The following TLK1 variants were observed in gnomAD, a reference collection of about 807,000 sequenced individuals.
The protein encoded by TLK1 is tousled like kinase 1.
In TLK1, 24 loss-of-function variants were observed where a neutral mutation model predicts 105.3. The observed-to-expected ratio is 0.23, with a 90% CI of 0.17 to 0.32. TLK1 has a LOEUF of 0.32. TLK1 is among the 10% of genes least tolerant of loss of function. The probability of loss-of-function intolerance (pLI) is 1.00; values close to 1 mark genes in which losing one functional copy is unlikely to be tolerated. For missense variants in TLK1, 558 were observed against 910.5 expected (o/e 0.61, Z 4.98); for synonymous variants, 321 against 310.4 (o/e 1.03, Z -0.36).
intron 2 of TLK1, among the ~76,000 whole-genome samples, chr2:171,095,352 C>G (rs1386042867): frequency 6.6e-6 from 1 of 151,094 alleles, no homozygotes; most frequent in African/African-American, 2.4e-5. Context: ...TCCTTGAAAA[C>G]AAAATTGACA....
chr2:171,163,421 A>G (rs1692551865), upstream of TLK1, among the ~76,000 whole-genome samples: 1 of 152,242 alleles, frequency 6.6e-6, no homozygotes, highest in South Asian at 2.1e-4. Context: ...ATGTTGATAA[A>G]TGTATGCTCT....
At chr2:171,132,143 C>CT (rs1340229039) in intron 1 of TLK1, among the ~76,000 whole-genome samples, 1 of 152,164 alleles carries the variant, frequency 6.6e-6, no homozygotes, top group Admixed American at 6.5e-5. Flanking sequence ...TTCTTCATGG[C>CT]TGAGGAAGCC....
intron 5 of TLK1, 35 bp downstream of exon 5, chr2:171,058,116 A>T: frequency 6.2e-7 from 1 of 1,609,522 alleles, no homozygotes; most frequent in Non-Finnish European, 8.5e-7. Flanking sequence ...AATAGTACTG[A>T]ATTAGGAAAT....
At chr2:171,000,688 A>C (rs1440266007) in intron 18 of TLK1, among the ~76,000 whole-genome samples, 3 of 152,064 alleles carry the variant, frequency 2.0e-5, no homozygotes, top group Admixed American at 6.6e-5. Context: ...AGGCAGACAC[A>C]CTCAGTGCAA....
At chr2:171,101,876 T>C (rs1689709042) in intron 2 of TLK1, among the ~76,000 whole-genome samples, 2 of 152,212 alleles carry the variant, frequency 1.3e-5, no homozygotes, top group South Asian at 2.1e-4. Context: ...ATTTCAATCA[T>C]TACAGAAAGA....
chr2:171,057,680 T>C (rs1229674664), intron 5 of TLK1, among the ~76,000 whole-genome samples: 1 of 152,090 alleles, frequency 6.6e-6, no homozygotes, highest in African/African-American at 2.4e-5. Context: ...TTACACTTGA[T>C]AGTAGAAAGA....
At chr2:170,994,223 A>G (rs563722518) in intron 20 of TLK1, among the ~76,000 whole-genome samples, 227 of 152,342 alleles carry the variant, frequency 1.5e-3, no homozygotes, top group African/African-American at 4.8e-3. Context: ...GTTTCTGCTT[A>G]CGAAATTCTG....
At chr2:170,998,836 A>G (rs1269956578) in intron 18 of TLK1, among the ~76,000 whole-genome samples, 4 of 152,190 alleles carry the variant, frequency 2.6e-5, no homozygotes, top group Admixed American at 2.6e-4. Flanking sequence ...TGGTACGATC[A>G]TAGCTCACTG....
chr2:171,163,596 A>G (rs1450316541), upstream of TLK1, among the ~76,000 whole-genome samples: 1 of 152,180 alleles, frequency 6.6e-6, no homozygotes, highest in East Asian at 1.9e-4. Flanking sequence ...TAAAGCTCCT[A>G]CCAATTCTGA....
At chr2:171,026,189 G>A (rs1685764858) in intron 12 of TLK1, among the ~76,000 whole-genome samples, 1 of 152,146 alleles carries the variant, frequency 6.6e-6, no homozygotes, top group African/African-American at 2.4e-5. Flanking sequence ...ATTGGAAAGA[G>A]TAAGTAAATA....
chr2:171,155,214 T>A (rs778541469), intron 1 of TLK1, among the ~76,000 whole-genome samples: 2 of 152,182 alleles, frequency 1.3e-5, no homozygotes, highest in African/African-American at 4.8e-5. Flanking sequence ...AATAAAAGAC[T>A]ATATAAACTA....
chr2:171,036,857 C>A (rs1229456241), intron 11 of TLK1, among the ~76,000 whole-genome samples: 1 of 152,086 alleles, frequency 6.6e-6, no homozygotes, highest in African/African-American at 2.4e-5. Flanking sequence ...GGTGAATGTA[C>A]TCTGCATGTG....
intron 1 of TLK1, among the ~76,000 whole-genome samples, chr2:171,208,819 A>G (rs1033371669): frequency 2.0e-5 from 3 of 152,252 alleles, no homozygotes; most frequent in Non-Finnish European, 2.9e-5. Context: ...AGCCCAGTGC[A>G]GAGCATTTTA....
intron 1 of TLK1, among the ~76,000 whole-genome samples, chr2:171,215,802 C>T (rs1268637475): frequency 6.6e-6 from 1 of 152,172 alleles, no homozygotes; most frequent in Non-Finnish European, 1.5e-5. Flanking sequence ...AGTTCGGTTC[C>T]TCTTAGAAGG....
chr2:171,210,698 T>C (rs1445630318), intron 1 of TLK1, among the ~76,000 whole-genome samples: 1 of 152,206 alleles, frequency 6.6e-6, no homozygotes, highest in Non-Finnish European at 1.5e-5. Flanking sequence ...TTGCATTGTA[T>C]TGCAACATCC....
At chr2:171,176,182 C>T (rs181175770) in intron 1 of TLK1, among the ~76,000 whole-genome samples, 10 of 152,192 alleles carry the variant, frequency 6.6e-5, no homozygotes, top group African/African-American at 2.2e-4. Flanking sequence ...TCAGGTGATC[C>T]GGCCGCCTCA....
chr2:171,227,309 AACT>A lies in TLK1; in HGVS notation c.-6+3833_-6+3835del, dbSNP rs576352877. 3.1e-3 allele frequency among the ~76,000 whole-genome samples: 467 copies of A among 152,284 alleles called. 4 individuals carry two copies. The highest frequency in any genetic ancestry group is 0.01 in the African/African-American group (432 of 41,566). Reference sequence around the variant, plus strand: ...TGTGACTCAACTTGGGCCAATGAGAAACTTCCTCCAGTTTTTTGCTGAAACTAT... The same window carrying A: ...TGTGACTCAACTTGGGCCAATGAGAATCCTCCAGTTTTTTGCTGAAACTAT... On this transcript the variant is annotated intron_variant, in intron 1 of 20. Coordinates refer to the TLK1 transcript ENST00000521943.
chr2:171,112,411 T>C (rs991380925), intron 2 of TLK1, among the ~76,000 whole-genome samples: 2 of 152,186 alleles, frequency 1.3e-5, no homozygotes, highest in Admixed American at 1.3e-4. Flanking sequence ...TTTCATAAGT[T>C]CAAAACTATT....
chr2:171,035,434 G>A (rs893646114), intron 11 of TLK1, among the ~76,000 whole-genome samples: 1 of 152,036 alleles, frequency 6.6e-6, no homozygotes, highest in Non-Finnish European at 1.5e-5. Flanking sequence ...CTTCTGCAAT[G>A]ATTATGAGGC....
Sources: allele counts gnomAD v4.1 joint callset (sites outside exome capture counted in the v4.1 genomes callset), GRCh38; gene constraint gnomAD v4.1.1; transcripts MANE v1.5; gene names NCBI Gene and HGNC (gene_info 2026-07-23, HGNC 2026-07-21).